Variants in FKBP5 observed in about 807,000 individuals in gnomAD.
The protein encoded by FKBP5 is FKBP prolyl isomerase 5.
FKBP5 carries 23 observed loss-of-function variants against 50.5 expected under a neutral mutation model. The observed-to-expected ratio is 0.46, with a 90% CI of 0.33 to 0.65. The LOEUF (loss-of-function observed/expected upper bound fraction) is 0.65, where lower values mean the gene tolerates loss of function less well. Ranked by LOEUF, FKBP5 falls within the 30% of genes least tolerant of loss-of-function variation. The pLI is 0.02. For synonymous variants in FKBP5, 176 were observed against 190.6 expected (o/e 0.92, Z 0.63); for missense variants, 411 against 553.1 (o/e 0.74, Z 2.58).
In FKBP5 at chr6:35,580,028, G is replaced by A. The variant is rs779889411; in HGVS notation, c.1026+8C>T. The A allele has an allele frequency of 4.3e-6, 7 of 1,609,896 alleles. No homozygotes were observed. The highest frequency in any genetic ancestry group is 2.2e-5 in the East Asian group (1 of 44,820). ...CTAAAGTCCATCTCACAGGAGACAC[G>A]ATGTTACCTTGTCACAGCATTCAAC... On this transcript the variant is annotated splice_region_variant and intron_variant, in intron 9 of 10. Coordinates refer to ENST00000357266, the MANE Select transcript of FKBP5 (RefSeq NM_004117.4).
intron 1 of FKBP5, among the ~76,000 whole-genome samples, chr6:35,657,087 C>A (rs1581858422): frequency 7.1e-6 from 1 of 139,926 alleles, no homozygotes; most frequent in Non-Finnish European, 1.6e-5. Context: ...TGGTGGCGGG[C>A]GCCTGTAGTC....
intron 1 of FKBP5, among the ~76,000 whole-genome samples, chr6:35,721,222 G>A (rs530045002): frequency 5.3e-4 from 81 of 152,146 alleles, no homozygotes; most frequent in African/African-American, 1.8e-3. Context: ...CATGGTGGCA[G>A]GCGCCTGTAA....
In FKBP5 at chr6:35,614,027, C is replaced by A. The variant is rs150466730; in HGVS notation, c.508+5069G>T. On this transcript the variant is annotated intron_variant, in intron 5 of 10. Coordinates refer to ENST00000357266, the MANE Select transcript of FKBP5 (RefSeq NM_004117.4). ...CCTCCTACCTCAGTCTTCTGGGTAG[C>A]TGGGACTAGAGGCATGTGCCATCAC... Among the ~76,000 whole-genome samples the A allele has an allele frequency of 4.3e-3, 658 of 152,218 alleles. 4 individuals are homozygous for A. Among genetic ancestry groups the A allele is most frequent in the African/African-American group, 0.015 (608 of 41,536 alleles).
chr6:35,721,606 C>T (rs1361789005), intron 1 of FKBP5, among the ~76,000 whole-genome samples: 1 of 152,154 alleles, frequency 6.6e-6, no homozygotes, highest in Non-Finnish European at 1.5e-5. Context: ...CAGCCATGCG[C>T]TACCACGCCC....
At chr6:35,631,879 C>T (rs1487095140) in intron 3 of FKBP5, among the ~76,000 whole-genome samples, 1 of 145,570 alleles carries the variant, frequency 6.9e-6, no homozygotes, top group Non-Finnish European at 1.5e-5. Context: ...CGCTTGAATC[C>T]GGGAGGCGGA....
At chr6:35,617,151 T>C (rs755978216) in intron 5 of FKBP5, among the ~76,000 whole-genome samples, 1 of 152,086 alleles carries the variant, frequency 6.6e-6, no homozygotes, top group Non-Finnish European at 1.5e-5. Context: ...ATTCAAAAAC[T>C]TATCCCAAAT....
intron 3 of FKBP5, among the ~76,000 whole-genome samples, chr6:35,629,493 T>C (rs943789224): frequency 2.6e-5 from 4 of 152,030 alleles, no homozygotes; most frequent in African/African-American, 9.7e-5. Flanking sequence ...CCTCCCCACC[T>C]TCATGGCTTA....
chr6:35,585,515 C>A, intron 8 of FKBP5: 1 of 985,122 alleles, frequency 1.0e-6, no homozygotes, highest in Non-Finnish European at 1.2e-6. Context: ...CTCTTTGGAC[C>A]TTAAATGACT....
chr6:35,640,527 A>C (rs1764455323), intron 2 of FKBP5, among the ~76,000 whole-genome samples: 1 of 152,172 alleles, frequency 6.6e-6, no homozygotes, highest in South Asian at 2.1e-4. Context: ...ACTACCGTAG[A>C]CTTTATAAAC....
rs1762166172 is a variant in FKBP5, at chr6:35,574,834, A to C, written c.*1001T>G. The C allele has an allele frequency of 6.6e-6, 1 of 152,548 alleles. No individual in the cohort carries two copies. The highest frequency in any genetic ancestry group is 2.4e-5 in the African/African-American group (1 of 41,438). The allele number at this position is 152,548 out of a possible 1,614,324, so 9.4% of individuals were successfully genotyped here. Reference sequence around the variant, plus strand: ...AGCCAATAATCTTAAAAAGACAAAAAAAGCTGCATGGATCCTAAATGACTA... The same window carrying C: ...AGCCAATAATCTTAAAAAGACAAAACAAGCTGCATGGATCCTAAATGACTA... On this transcript the variant is annotated 3_prime_UTR_variant, in exon 11 of 11. Coordinates refer to ENST00000357266, the MANE Select transcript of FKBP5 (RefSeq NM_004117.4).
intron 5 of FKBP5, among the ~76,000 whole-genome samples, chr6:35,598,481 C>T (rs1183168005): frequency 6.6e-6 from 1 of 152,064 alleles, no homozygotes; most frequent in Non-Finnish European, 1.5e-5. Context: ...CCTCAGCCTC[C>T]CAAAGCGCTG....
rs145835284 is a variant in FKBP5 at position 35,653,304 on chromosome 6, T to C, written c.-19-10461A>G. Reference sequence around the variant, plus strand: ...TCAGGAGTTGGAGGCTGCACTGAGCTTTGATGGCACCACTGTACTCCAGCC... The same window carrying C: ...TCAGGAGTTGGAGGCTGCACTGAGCCTTGATGGCACCACTGTACTCCAGCC... On this transcript the variant is annotated intron_variant, in intron 1 of 10. Transcript: ENST00000357266. Among the ~76,000 whole-genome samples the C allele has an allele frequency of 3.1e-3, 465 of 152,288 alleles. 1 individual carries two copies. The highest frequency in any genetic ancestry group is 0.011 in the African/African-American group (437 of 41,566).
intron 1 of FKBP5, among the ~76,000 whole-genome samples, chr6:35,665,768 T>C (rs1352238754): frequency 3.3e-5 from 5 of 152,312 alleles, no homozygotes; most frequent in African/African-American, 1.2e-4. Context: ...CCCCAACTTA[T>C]GGTTTGGGTT....
chr6:35,616,314 C>CAAAAAAAAAAAAAAAAAAAAAAAAA (rs34779549), intron 5 of FKBP5, among the ~76,000 whole-genome samples: 1 of 57,454 alleles, frequency 1.7e-5, no homozygotes, highest in Non-Finnish European at 2.9e-5. Flanking sequence ...GACTCCATCT[C>CAAAAAAAAAAAAAAAAAAAAAAAAA]AAAAAAAAAA....
At chr6:35,638,558 C>T (rs1363560957) in intron 2 of FKBP5, among the ~76,000 whole-genome samples, 1 of 152,114 alleles carries the variant, frequency 6.6e-6, no homozygotes, top group Non-Finnish European at 1.5e-5. Context: ...GCAGAGACTA[C>T]AGGCACATGC....
chr6:35,601,918 G>T (rs977939504), intron 5 of FKBP5, among the ~76,000 whole-genome samples: 1 of 152,092 alleles, frequency 6.6e-6, no homozygotes, highest in African/African-American at 2.4e-5. Flanking sequence ...AAGGGGGAGG[G>T]AGGTCCTCCA....
chr6:35,647,740 C>T (rs1174591656), intron 1 of FKBP5, among the ~76,000 whole-genome samples: 2 of 152,190 alleles, frequency 1.3e-5, no homozygotes, highest in African/African-American at 4.8e-5. Flanking sequence ...CACACTGTGG[C>T]TCCCATCTTT....
intron 3 of FKBP5, among the ~76,000 whole-genome samples, chr6:35,624,907 C>G (rs1174781087): frequency 6.6e-6 from 1 of 152,122 alleles, no homozygotes; most frequent in Non-Finnish European, 1.5e-5. Context: ...TGACAAGGCC[C>G]ACTCACTGAC....
intron 6 of FKBP5, among the ~76,000 whole-genome samples, chr6:35,592,999 A>T (rs1762868103): frequency 6.6e-6 from 1 of 152,228 alleles, no homozygotes; most frequent in Non-Finnish European, 1.5e-5. Context: ...AGAAGACTAA[A>T]GAAAAATATT....
Sources: allele counts gnomAD v4.1 joint callset (sites outside exome capture counted in the v4.1 genomes callset), GRCh38; gene constraint gnomAD v4.1.1; transcripts MANE v1.5; gene names NCBI Gene and HGNC (gene_info 2026-07-23, HGNC 2026-07-21).